The following CNTN5 variants were observed in gnomAD, a reference collection of about 807,000 sequenced individuals.
CNTN5 encodes the protein contactin 5, also known as contactin-5.
In CNTN5, 77 loss-of-function variants were observed where a neutral mutation model predicts 129.1. The ratio of observed to expected loss-of-function variants is 0.60; its 90% CI spans 0.50 to 0.72. CNTN5 has a LOEUF of 0.72. CNTN5 is among the 30% of genes least tolerant of loss of function. The probability of loss-of-function intolerance (pLI) is 0.00; values close to 1 mark genes in which losing one functional copy is unlikely to be tolerated. For missense variants in CNTN5, 1,478 were observed against 1,328.8 expected, an observed-to-expected ratio of 1.11 and a Z score of -1.75; for synonymous variants, 509 against 465.6, an observed-to-expected ratio of 1.09 and a Z score of -1.20.
intron 15 of CNTN5, among the ~76,000 whole-genome samples, chr11:100,204,113 T>C (rs1948854228): frequency 6.6e-6 from 1 of 150,832 alleles, no homozygotes. Context: ...TTTTTTCCTC[T>C]TCTAGTCTTT....
rs940722971 is a variant in CNTN5 at position 99,717,158 on chromosome 11, C to T, written c.56-102386C>T. On this transcript the variant is annotated intron_variant, in intron 3 of 24. Transcript: ENST00000524871. ...GATGTTTTGCCAATTATTTTTCTGT[C>T]CTTTTGTAATAATGCTTGCAAACCT... is the stretch of plus-strand genomic sequence containing the variant. Among the ~76,000 whole-genome samples the T allele has an allele frequency of 2.8e-4, 43 of 151,908 alleles. 1 individual carries two copies. Among genetic ancestry groups the T allele is most frequent in the Non-Finnish European group, 4.7e-4 (32 of 67,942 alleles).
At chr11:99,306,104 C>T (rs1864864209) in intron 1 of CNTN5, among the ~76,000 whole-genome samples, 1 of 151,954 alleles carries the variant, frequency 6.6e-6, no homozygotes, top group East Asian at 1.9e-4. Context: ...CCAAAGCTAC[C>T]AAATTTTTCA....
intron 1 of CNTN5, among the ~76,000 whole-genome samples, chr11:99,280,578 G>A (rs1236926878): frequency 6.6e-6 from 1 of 151,270 alleles, no homozygotes. Context: ...AAAAAAAAAT[G>A]AACAAACCAA....
chr11:99,079,186 C>T (rs1413361999), intron 1 of CNTN5, among the ~76,000 whole-genome samples: 3 of 151,976 alleles, frequency 2.0e-5, no homozygotes, highest in African/African-American at 7.3e-5. Context: ...TTTAATGGTA[C>T]ATAATTAGTT....
intron 1 of CNTN5, among the ~76,000 whole-genome samples, chr11:99,151,900 T>C (rs1200928479): frequency 6.6e-5 from 10 of 152,164 alleles, no homozygotes; most frequent in East Asian, 5.8e-4. Flanking sequence ...AGGGATAGCA[T>C]TAGGAGAAGA....
At chr11:99,792,795 A>G (rs12362450) in intron 3 of CNTN5, among the ~76,000 whole-genome samples, 23,861 of 151,876 alleles carry the variant, frequency 0.16, 1,998 homozygotes, top group Non-Finnish European at 0.17. Context: ...TACTGTTTCA[A>G]ATGCAGAACT....
rs200936698 is a variant in CNTN5, at chr11:100,193,663, C to T, written c.1884C>T (p.Ala628=). 1.7e-5 allele frequency: 27 copies of T among 1,607,070 alleles called. No individual in the cohort carries two copies. The highest frequency in any genetic ancestry group is 2.2e-5 in the East Asian group (1 of 44,542). ...EEGGHFESIR[A]QASSADLMIR... The stretch of plus-strand genomic sequence containing the variant: ...GTGGACATTTTGAAAGCATCAGGGC[C>T]GTAAGTGAATACACTTTTATTCTTT... The change falls in exon 15 of 25, where the codon GCC becomes GCT. Residue 628 remains alanine (A), a splice_region_variant and synonymous_variant. Transcript: ENST00000524871.
In CNTN5 at chr11:99,465,951, G is replaced by A. The variant is rs182920859; in HGVS notation, c.-70-90194G>A. ...GGCTGGAGTGCAGTGGTGCGATCTC[G>A]GCTCACTGCAAGCTCCGCCTCCTGG... On this transcript the variant is annotated intron_variant, in intron 2 of 24. Coordinates refer to ENST00000524871, the MANE Select transcript of CNTN5 (RefSeq NM_014361.4). Among the ~76,000 whole-genome samples the A allele has an allele frequency of 5.9e-3, 854 of 143,766 alleles. 9 individuals carry two copies. Among genetic ancestry groups the A allele is most frequent in the African/African-American group, 0.021 (802 of 38,592 alleles). 94.3% of individuals were successfully genotyped at this position (143,766 alleles called of 152,430 possible). A position where few individuals can be genotyped will look rare whatever the true frequency, so the allele number is the denominator to read the frequency against.
At chr11:99,318,255 A>G (rs1371186518) in intron 1 of CNTN5, among the ~76,000 whole-genome samples, 1 of 152,148 alleles carries the variant, frequency 6.6e-6, no homozygotes, top group East Asian at 1.9e-4. Context: ...GTGGCCATTT[A>G]ATTCTGTTGT....
At chr11:100,044,562 A>T (rs1942565258) in intron 9 of CNTN5, among the ~76,000 whole-genome samples, 1 of 151,308 alleles carries the variant, frequency 6.6e-6, no homozygotes, top group Non-Finnish European at 1.5e-5. Context: ...TTTAATTTGC[A>T]TTGATCTGAT....
chr11:99,260,871 T>G (rs1053046379), intron 1 of CNTN5, among the ~76,000 whole-genome samples: 6 of 151,978 alleles, frequency 3.9e-5, no homozygotes, highest in Admixed American at 3.9e-4. Context: ...ACAAATGCTA[T>G]GTATGTATAA....
intron 2 of CNTN5, among the ~76,000 whole-genome samples, chr11:99,403,311 C>A (rs1271020250): frequency 6.6e-6 from 1 of 151,972 alleles, no homozygotes; most frequent in Non-Finnish European, 1.5e-5. Context: ...GTTTAACTTT[C>A]GATAAGCCAA....
intron 2 of CNTN5, among the ~76,000 whole-genome samples, chr11:99,532,128 C>T (rs1344537464): frequency 6.6e-6 from 1 of 152,028 alleles, no homozygotes; most frequent in Non-Finnish European, 1.5e-5. Flanking sequence ...CCCTGCAAAG[C>T]CACAGGGGCA....
chr11:100,263,571 A>G (rs1339001927), intron 17 of CNTN5, among the ~76,000 whole-genome samples: 1 of 152,156 alleles, frequency 6.6e-6, no homozygotes, highest in East Asian at 1.9e-4. Flanking sequence ...TGCTCATATC[A>G]GCCTCATTCC....
chr11:99,601,555 G>A (rs1009939458), intron 3 of CNTN5, among the ~76,000 whole-genome samples: 6 of 152,172 alleles, frequency 3.9e-5, no homozygotes, highest in Non-Finnish European at 8.8e-5. Flanking sequence ...ACTCCACAGG[G>A]ATTTCCACCA....
intron 3 of CNTN5, among the ~76,000 whole-genome samples, chr11:99,792,538 G>GGTGTGTGTGTGTGTGTGTGTGT (rs111267307): frequency 1.6e-5 from 2 of 127,748 alleles, no homozygotes; most frequent in Admixed American, 7.9e-5. Flanking sequence ...CCTGAAGAGG[G>GGTGTGTGTGTGTGTGTGTGTGT]GTGTGTGTGT....
chr11:100,156,134 A>C (rs141446541), intron 13 of CNTN5, among the ~76,000 whole-genome samples: 14,576 of 152,076 alleles, frequency 0.096, 883 homozygotes, highest in Non-Finnish European at 0.14. Context: ...GATACTGGCT[A>C]TGGGTTTGTC....
chr11:99,868,436 T>C (rs1032873872), intron 6 of CNTN5, among the ~76,000 whole-genome samples: 1 of 152,214 alleles, frequency 6.6e-6, no homozygotes, highest in African/African-American at 2.4e-5. Flanking sequence ...ATCCTCATTT[T>C]GTGTTGATAA....
intron 3 of CNTN5, among the ~76,000 whole-genome samples, chr11:99,787,092 T>G (rs933022111): frequency 7.8e-4 from 3 of 3,850 alleles, no homozygotes; most frequent in African/African-American, 2.1e-3. Flanking sequence ...AACTACATGT[T>G]TTTTTTTTGT....
Sources: allele counts gnomAD v4.1 joint callset (sites outside exome capture counted in the v4.1 genomes callset), GRCh38; gene constraint gnomAD v4.1.1; transcripts MANE v1.5; gene names NCBI Gene and HGNC (gene_info 2026-07-23, HGNC 2026-07-21).